The following CDH12 variants were observed in gnomAD, a reference collection of about 807,000 sequenced individuals.
The protein encoded by CDH12 is cadherin 12, also known as cadherin-12.
In CDH12, 41 loss-of-function variants were observed where a neutral mutation model predicts 74.1. That is an observed-to-expected ratio of 0.55 (90% CI 0.43 to 0.72). The LOEUF (loss-of-function observed/expected upper bound fraction) is 0.72. Among genes scored for constraint, CDH12 ranks in the 30% least tolerant of loss-of-function variants. The pLI is 0.00. For synonymous variants in CDH12, 399 were observed against 355.0 expected, an observed-to-expected ratio of 1.12 and a Z score of -1.39; for missense variants, 945 against 977.2, an observed-to-expected ratio of 0.97 and a Z score of 0.44.
intron 1 of CDH12, among the ~76,000 whole-genome samples, chr5:22,602,797 T>C (rs1288504609): frequency 1.3e-5 from 2 of 152,158 alleles, no homozygotes; most frequent in East Asian, 3.8e-4. Flanking sequence ...CCAGTTCCTT[T>C]GGGATTACAA....
intron 3 of CDH12, among the ~76,000 whole-genome samples, chr5:22,330,806 G>GTATCAGC (rs1739320786): frequency 1.3e-5 from 2 of 151,588 alleles, no homozygotes; most frequent in African/African-American, 4.9e-5. Context: ...TCCACTCTAG[G>GTATCAGC]TATCAGCTTG....
At chr5:22,657,974 A>T (rs1740139298) in intron 1 of CDH12, among the ~76,000 whole-genome samples, 2 of 152,218 alleles carry the variant, frequency 1.3e-5, no homozygotes, top group Admixed American at 1.3e-4. Flanking sequence ...ATAAAAGCTC[A>T]TGATGGCTAA....
intron 4 of CDH12, among the ~76,000 whole-genome samples, chr5:22,204,176 G>T (rs3924838): frequency 0.3 from 40,811 of 138,266 alleles, 6,445 homozygotes; most frequent in South Asian, 0.38. Context: ...TTTTTTTTTT[G>T]TTTTTTGTTT....
At chr5:22,849,697 C>T (rs1388736030) in intron 1 of CDH12, among the ~76,000 whole-genome samples, 1 of 152,090 alleles carries the variant, frequency 6.6e-6, no homozygotes, top group Non-Finnish European at 1.5e-5. Flanking sequence ...ATTGGAGTCT[C>T]ATTGTTTCTC....
Position 21,998,759 on chromosome 5 carries a change from G to C in CDH12, c.232-23374C>G, listed in dbSNP as rs183273678. Among the ~76,000 whole-genome samples, 180 of 152,150 alleles carry C rather than the reference G, an allele frequency of 1.2e-3. 1 individual carries two copies. Among genetic ancestry groups the C allele is most frequent in the Middle Eastern group, 3.4e-3 (1 of 294 alleles). ...CTTCTCGTGTGTCATTTGAATGAGGGAACCACAGCTGGTCTCCTGAGAAGC... is the reference window on the plus strand; with the variant it reads ...CTTCTCGTGTGTCATTTGAATGAGGCAACCACAGCTGGTCTCCTGAGAAGC... On this transcript the variant is annotated intron_variant, in intron 5 of 14. Coordinates refer to ENST00000382254, the MANE Select transcript of CDH12 (RefSeq NM_004061.5).
intron 1 of CDH12, among the ~76,000 whole-genome samples, chr5:22,712,652 T>A (rs756274659): frequency 2.6e-5 from 4 of 152,178 alleles, no homozygotes; most frequent in Non-Finnish European, 5.9e-5. Context: ...CTTATATTTA[T>A]TATTTTTTGT....
chr5:22,370,352 T>TCCA (rs1315820166), intron 3 of CDH12, among the ~76,000 whole-genome samples: 2 of 152,160 alleles, frequency 1.3e-5, no homozygotes, highest in Non-Finnish European at 2.9e-5. Context: ...TGGACTCTGA[T>TCCA]AACTGTAAGC....
intron 2 of CDH12, among the ~76,000 whole-genome samples, chr5:22,485,036 T>C (rs192343976): frequency 2.6e-5 from 4 of 152,334 alleles, no homozygotes; most frequent in Admixed American, 6.5e-5. Flanking sequence ...TAATGCAGTT[T>C]TTTGTAAAGG....
At chr5:22,518,910 C>T (rs1180520419) in intron 1 of CDH12, among the ~76,000 whole-genome samples, 1 of 152,128 alleles carries the variant, frequency 6.6e-6, no homozygotes. Flanking sequence ...TCTTCAGAAG[C>T]TCTTGGGAGA....
intron 5 of CDH12, among the ~76,000 whole-genome samples, chr5:22,053,800 G>A (rs930665852): frequency 2.0e-5 from 3 of 151,930 alleles, no homozygotes; most frequent in African/African-American, 4.8e-5. Flanking sequence ...TACCTTTAAC[G>A]GGTGTTTCCA....
chr5:22,077,767 A>C (rs1461341556), intron 5 of CDH12, among the ~76,000 whole-genome samples: 1 of 152,144 alleles, frequency 6.6e-6, no homozygotes, highest in East Asian at 1.9e-4. Context: ...TTTTGTGAAA[A>C]AAATTAAATT....
At chr5:22,810,945 TTACA>T (rs1055651142) in intron 1 of CDH12, among the ~76,000 whole-genome samples, 7 of 148,292 alleles carry the variant, frequency 4.7e-5, no homozygotes, top group African/African-American at 1.5e-4. Context: ...ACATATATAC[TTACA>T]TATATACATA....
chr5:22,728,571 T>C (rs115457854), intron 1 of CDH12, among the ~76,000 whole-genome samples: 1,531 of 152,000 alleles, frequency 0.01, 20 homozygotes, highest in African/African-American at 0.035. Flanking sequence ...CTCCTAGGCA[T>C]CCACAGGTAC....
rs1200747810 is a variant in CDH12, at chr5:21,833,844, A to T, written c.814+8317T>A. Among the ~76,000 whole-genome samples, 68 of 151,916 alleles carry T rather than the reference A, an allele frequency of 4.5e-4. 2 individuals carry two copies. The highest frequency in any genetic ancestry group is 4.4e-3 in the Admixed American group (67 of 15,188). ...TGGGATCCCAAGGGATTCTTCAGGC[A>T]AATATAATTTGAGAGCCACTGTAAG... On this transcript the variant is annotated intron_variant, in intron 8 of 14. Transcript: ENST00000382254.
chr5:22,847,778 A>G (rs570431727), intron 1 of CDH12, among the ~76,000 whole-genome samples: 3 of 152,292 alleles, frequency 2.0e-5, no homozygotes, highest in African/African-American at 4.8e-5. Flanking sequence ...TCCCTCATCT[A>G]TCCTCCAGAT....
Position 21,751,940 on chromosome 5 carries a change from G to A in CDH12, c.2182C>T (p.Pro728Ser). ...HQRLQENDVD[P>S]TAPPYDSLAT... ...AGTGAATCGTATGGTGGGGCAGTTG[G>A]ATCCACATCATTTTCCTGTAGCCTT... Residue 728 changes from proline to serine, a missense_variant, in exon 15 of 15, where the codon CCA becomes TCA. Physicochemically the swap from Pro to Ser is moderately conservative, Grantham distance 74 (BLOSUM62 -1). Coordinates refer to ENST00000382254, the MANE Select transcript of CDH12 (RefSeq NM_004061.5). 1 of 1,613,920 alleles carries A rather than the reference G, an allele frequency of 6.2e-7. No individual in the cohort carries two copies.
intron 6 of CDH12, among the ~76,000 whole-genome samples, chr5:21,893,640 T>C (rs1435396912): frequency 6.6e-6 from 1 of 152,166 alleles, no homozygotes; most frequent in Non-Finnish European, 1.5e-5. Flanking sequence ...TACTGCAAAA[T>C]GACATGAGTG....
chr5:22,290,408 A>T (rs1227601634), intron 3 of CDH12, among the ~76,000 whole-genome samples: 1 of 152,208 alleles, frequency 6.6e-6, no homozygotes, highest in Admixed American at 6.5e-5. Flanking sequence ...GAGGAAAATG[A>T]TAAATGACCA....
rs181734989 is a variant in CDH12 at position 21,761,044 on chromosome 5, C to A, written c.1516-369G>T. Among the ~76,000 whole-genome samples the A allele has an allele frequency of 1.6e-4, 24 of 152,180 alleles. 1 individual carries two copies. Among genetic ancestry groups the A allele is most frequent in the African/African-American group, 5.3e-4 (22 of 41,532 alleles). On this transcript the variant is annotated intron_variant, in intron 12 of 14. Transcript: ENST00000382254. ...TGAAAATGCTTACTGAAAACAAAAT[C>A]TCTGATTATCTAAAAGCCCTTGTGA...
Sources: gnomAD v4.1 joint callset for allele counts (sites outside exome capture counted in the v4.1 genomes callset) on GRCh38, gnomAD v4.1.1 for gene constraint, MANE v1.5 for transcripts, NCBI Gene and HGNC (gene_info 2026-07-23, HGNC 2026-07-21) for gene names.